The following SV2C variants were observed in gnomAD, a reference collection of about 807,000 sequenced individuals.
The protein encoded by SV2C is synaptic vesicle glycoprotein 2C, also known as solute carrier family 22 member B3.
SV2C carries 49 observed loss-of-function variants against 79.7 expected under a neutral mutation model. That is an observed-to-expected ratio of 0.61 (90% CI 0.49 to 0.78). SV2C has a LOEUF of 0.78. SV2C is among the 30% of genes least tolerant of loss of function. SV2C has a pLI of 0.00. For synonymous variants in SV2C, 334 were observed against 333.2 expected, an observed-to-expected ratio of 1.00 and a Z score of -0.03; for missense variants, 833 against 912.9, an observed-to-expected ratio of 0.91 and a Z score of 1.13.
At chr5:75,966,455 G>C in the SV2C span, among the ~76,000 whole-genome samples, 1 of 152,146 alleles carries the variant, frequency 6.6e-6, no homozygotes, top group East Asian at 1.9e-4. Context: ...AAACTGGCCA[G>C]AACCAGCAAA....
Position 76,298,872 on chromosome 5 carries a change from A to G in SV2C, c.1581A>G (p.Ser527=). 2 of 1,614,040 alleles carry G rather than the reference A, an allele frequency of 1.2e-6. No homozygotes were observed. Among genetic ancestry groups the G allele is most frequent in the Non-Finnish European group, 1.7e-6 (2 of 1,179,922 alleles). The change falls in exon 10 of 13, where the codon TCA becomes TCG. Residue 527 remains serine (S), a synonymous_variant. Transcript: ENST00000502798. Reference sequence around the variant, plus strand: ...CCTGCACCTTTGAGGATGTAACTTCAGTGAACACCTACTTCAAGAACTGCA... The same window carrying G: ...CCTGCACCTTTGAGGATGTAACTTCGGTGAACACCTACTTCAAGAACTGCA... ...FKSCTFEDVT[S]VNTYFKNCTF...
At chr5:76,017,639 A>T in the SV2C span, among the ~76,000 whole-genome samples, 1 of 152,220 alleles carries the variant, frequency 6.6e-6, no homozygotes, top group Non-Finnish European at 1.5e-5. Flanking sequence ...AGTGTAGGTT[A>T]GCATTTCTTC....
intron 12 of SV2C, among the ~76,000 whole-genome samples, chr5:76,323,982 G>A (rs926016356): frequency 1.3e-5 from 2 of 152,062 alleles, no homozygotes; most frequent in African/African-American, 2.4e-5. Context: ...AAACCTGCAC[G>A]TTCTGCACAT....
chr5:76,298,438 A>C (rs1349550444), intron 9 of SV2C, among the ~76,000 whole-genome samples: 1 of 152,212 alleles, frequency 6.6e-6, no homozygotes, highest in Non-Finnish European at 1.5e-5. Context: ...ATAAAGATAT[A>C]CATGAAGAGA....
the SV2C span, among the ~76,000 whole-genome samples, chr5:75,948,084 A>G: frequency 2.0e-5 from 3 of 152,000 alleles, no homozygotes; most frequent in Non-Finnish European, 4.4e-5. Flanking sequence ...AAATGGCCTT[A>G]TCCTGTCCTG....
chr5:75,926,661 T>G, the SV2C span, among the ~76,000 whole-genome samples: 1 of 152,190 alleles, frequency 6.6e-6, no homozygotes, highest in Admixed American at 6.5e-5. Flanking sequence ...AACCAGATAT[T>G]GCTGACAAAT....
chr5:75,854,439 A>C, the SV2C span, among the ~76,000 whole-genome samples: 1 of 152,188 alleles, frequency 6.6e-6, no homozygotes, highest in Non-Finnish European at 1.5e-5. Context: ...AAAACTATCA[A>C]ACTATTTCAT....
At chr5:76,187,059 G>A (rs950013477) in intron 2 of SV2C, among the ~76,000 whole-genome samples, 3 of 152,158 alleles carry the variant, frequency 2.0e-5, no homozygotes, top group African/African-American at 4.8e-5. Context: ...GGATCCCATT[G>A]GTGTTAAACT....
At chr5:76,004,094 C>T in the SV2C span, among the ~76,000 whole-genome samples, 1 of 152,196 alleles carries the variant, frequency 6.6e-6, no homozygotes, top group Admixed American at 6.5e-5. Context: ...GGGACTCAAT[C>T]CCTATTCCTT....
chr5:76,053,545 T>G, the SV2C span, among the ~76,000 whole-genome samples: 1 of 152,156 alleles, frequency 6.6e-6, no homozygotes, highest in Non-Finnish European at 1.5e-5. Flanking sequence ...TAATTACTTT[T>G]TAGGAAATGA....
At chr5:75,931,887 C>T in the SV2C span, among the ~76,000 whole-genome samples, 1 of 152,162 alleles carries the variant, frequency 6.6e-6, no homozygotes, top group Non-Finnish European at 1.5e-5. Flanking sequence ...CTCCACGTCG[C>T]TCCACCTCCA....
chr5:76,300,664 G>C, intron 10 of SV2C, 65 bp from the exon 11 acceptor site: 1 of 1,523,280 alleles, frequency 6.6e-7, no homozygotes, highest in East Asian at 2.3e-5. Context: ...TCCTCCATAG[G>C]CTTTCTTATA....
intron 12 of SV2C, among the ~76,000 whole-genome samples, chr5:76,319,038 A>C (rs1276691695): frequency 2.0e-5 from 3 of 152,164 alleles, no homozygotes; most frequent in Non-Finnish European, 4.4e-5. Flanking sequence ...AAGCCTATTT[A>C]TTTTATAAAC....
the SV2C span, among the ~76,000 whole-genome samples, chr5:75,929,046 T>TGCAC: frequency 6.6e-6 from 1 of 152,104 alleles, no homozygotes; most frequent in Non-Finnish European, 1.5e-5. Context: ...ATGGCTAGGT[T>TGCAC]TCAAATTCTC....
the SV2C span, among the ~76,000 whole-genome samples, chr5:75,984,481 A>C: frequency 1.3e-5 from 2 of 152,102 alleles, no homozygotes; most frequent in African/African-American, 4.8e-5. Context: ...TCAGAGAGGT[A>C]GTAATTTACC....
chr5:76,293,567 T>C (rs1747632201), intron 8 of SV2C, among the ~76,000 whole-genome samples: 1 of 152,170 alleles, frequency 6.6e-6, no homozygotes, highest in Non-Finnish European at 1.5e-5. Context: ...TGTTGCCATT[T>C]CAAGGTTTGT....
chr5:75,899,777 T>G, the SV2C span, among the ~76,000 whole-genome samples: 3 of 152,184 alleles, frequency 2.0e-5, no homozygotes, highest in African/African-American at 7.2e-5. Context: ...ATATTTAGGA[T>G]AGTTAGCTCT....
chr5:76,204,078 C>T (rs998243716), intron 3 of SV2C, among the ~76,000 whole-genome samples: 1 of 152,154 alleles, frequency 6.6e-6, no homozygotes, highest in Non-Finnish European at 1.5e-5. Flanking sequence ...AGCCTCTGAG[C>T]AATCTCCCCA....
At chr5:76,217,744 T>C (rs1744946078) in intron 4 of SV2C, among the ~76,000 whole-genome samples, 1 of 149,558 alleles carries the variant, frequency 6.7e-6, no homozygotes, top group Non-Finnish European at 1.5e-5. Flanking sequence ...ATTAGAGAAG[T>C]CAGAGAAAAG....
Sources: gnomAD v4.1 joint callset for allele counts (sites outside exome capture counted in the v4.1 genomes callset) on GRCh38, gnomAD v4.1.1 for gene constraint, MANE v1.5 for transcripts, NCBI Gene and HGNC (gene_info 2026-07-23, HGNC 2026-07-21) for gene names.